STK10: variants seen among roughly 807,000 people sequenced by gnomAD.
The protein encoded by STK10 is serine/threonine-protein kinase 10.
Under a neutral mutation model 113.8 loss-of-function variants are expected in STK10, and 78 were observed. The observed-to-expected ratio is 0.69, with a 90% CI of 0.57 to 0.83. The LOEUF (loss-of-function observed/expected upper bound fraction) is 0.83, where lower values mean the gene tolerates loss of function less well. Ranked by LOEUF, STK10 falls within the 40% of genes least tolerant of loss-of-function variation. STK10 has a pLI of 0.00. For missense variants in STK10, 1,109 were observed against 1,280.1 expected, an observed-to-expected ratio of 0.87 and a Z score of 2.04; for synonymous variants, 465 against 494.7, an observed-to-expected ratio of 0.94 and a Z score of 0.80.
At chr5:172,087,606 A>AATTTATTT (rs1319542446) in intron 10 of STK10, among the ~76,000 whole-genome samples, 1,460 of 131,828 alleles carry the variant, frequency 0.011, 256 homozygotes, top group African/African-American at 0.048. Flanking sequence ...TTATTTTTTA[A>AATTTATTT]ATTTATTTAC....
In STK10 at chr5:172,082,111, C is replaced by T. The variant is rs111822210; in HGVS notation, c.1989+215G>A. Among the ~76,000 whole-genome samples the T allele has an allele frequency of 1.4e-3, 207 of 152,244 alleles. 2 individuals are homozygous for T. The highest frequency in any genetic ancestry group is 4.8e-3 in the African/African-American group (198 of 41,554). On this transcript the variant is annotated intron_variant, in intron 12 of 18. Transcript: ENST00000176763. The surrounding 1 kb of genome is among the most constrained non-coding windows in gnomAD (Gnocchi z 4.3). ...CTGAGGCCACAGGGTGAGGCCTGCC[C>T]TGAGCCATAGCAACACAGAGGAAAG...
At position 172,055,666 on chromosome 5, in the gene STK10, C is replaced by T. The variant is rs750407919; in HGVS notation, c.2448G>A (p.Thr816=). The T allele has an allele frequency of 3.2e-5, 51 of 1,583,806 alleles. No individual in the cohort carries two copies. Among genetic ancestry groups the T allele is most frequent in the South Asian group, 9.2e-5 (8 of 87,012 alleles). Residue 816 remains threonine (T), a synonymous_variant, in exon 16 of 19, where the codon ACG becomes ACA. Transcript: ENST00000176763. ...GGCTCTTCTTGTACATGGCCATGCG[C>T]GTCTTGCCCTCACTCCTCTGGATCT... ...LPKIQRSEGK[T]RMAMYKKSLH...
Position 172,172,342 on chromosome 5 carries a change from G to A in STK10, c.156+15545C>T, listed in dbSNP as rs568476403. On this transcript the variant is annotated intron_variant, in intron 1 of 18. Transcript: ENST00000176763. ...ATCATGGGGCCATGCCACCCTGGTCGCGTGGTGCCGCATCCAAAAGCATAG... is the reference window on the plus strand; with the variant it reads ...ATCATGGGGCCATGCCACCCTGGTCACGTGGTGCCGCATCCAAAAGCATAG... Among the ~76,000 whole-genome samples the A allele has an allele frequency of 1.9e-3, 286 of 152,340 alleles. 1 individual carries two copies. The highest frequency in any genetic ancestry group is 2.7e-3 in the Non-Finnish European group (187 of 68,036).
chr5:172,186,608 G>A (rs1770958476), intron 1 of STK10, among the ~76,000 whole-genome samples: 1 of 151,836 alleles, frequency 6.6e-6, no homozygotes, highest in African/African-American at 2.4e-5. Flanking sequence ...AGCAACAGAG[G>A]GAAACCCTGT....
chr5:172,101,626 T>C (rs1768991065), intron 7 of STK10, among the ~76,000 whole-genome samples: 1 of 151,984 alleles, frequency 6.6e-6, no homozygotes, highest in Admixed American at 6.6e-5. Flanking sequence ...ACAAACCTAA[T>C]AAGCAGGCAA....
Position 172,156,714 on chromosome 5 carries a change from G to A in STK10, c.231C>T (p.Asp77=). The change falls in exon 2 of 19, where the codon GAC becomes GAT. Residue 77 remains aspartate, a synonymous_variant. Transcript: ENST00000176763. The stretch of plus-strand genomic sequence containing the variant: ...CCAGGATCTCAATCTCCACGATGTA[G>A]TCCTCCAGCTCCTCCTCACTCTTGG... The part of the protein sequence containing the change: ...IETKSEEELE[D]YIVEIEILAT... The A allele has an allele frequency of 6.2e-7, 1 of 1,614,154 alleles. No individual in the cohort carries two copies. The highest frequency in any genetic ancestry group is 8.5e-7 in the Non-Finnish European group (1 of 1,180,006).
chr5:172,187,976 A>T lies in STK10; in HGVS notation c.67T>A (p.Tyr23Asn). 6 of 1,613,552 alleles carry T rather than the reference A, an allele frequency of 3.7e-6. No individual in the cohort carries two copies. The highest frequency in any genetic ancestry group is 4.2e-6 in the Non-Finnish European group (5 of 1,179,788). The change falls in exon 1 of 19, where the codon TAT (tyrosine) becomes AAT (asparagine). Residue 23 changes from tyrosine to asparagine, a missense_variant. By Grantham distance (143) the Tyr-to-Asn change is moderately radical. Transcript: ENST00000176763. The surrounding 1 kb of genome is among the most constrained non-coding windows in gnomAD (Gnocchi z 4.6). ...STFEKRKSRE[Y>N]EHVRRDLDPN... ...TCCAGGTCGCGGCGGACGTGCTCAT[A>T]TTCGCGGGACTTTCTCTTCTCGAAG...
In STK10 at chr5:172,187,134, G is replaced by A. The variant is rs1429131943; in HGVS notation, c.156+753C>T. Reference sequence around the variant, plus strand: ...CAGGAGCAGAAACCAACGTCCTGCTGCCACACTTCTCTAGACTCAATCAGC... The same window carrying A: ...CAGGAGCAGAAACCAACGTCCTGCTACCACACTTCTCTAGACTCAATCAGC... On this transcript the variant is annotated intron_variant, in intron 1 of 18. Transcript: ENST00000176763. The surrounding 1 kb of genome is among the most constrained non-coding windows in gnomAD (Gnocchi z 4.6). Among the ~76,000 whole-genome samples, 2 of 152,102 alleles carry A rather than the reference G, an allele frequency of 1.3e-5. No individual in the cohort carries two copies. The highest frequency in any genetic ancestry group is 2.9e-5 in the Non-Finnish European group (2 of 68,018).
At chr5:172,158,642 C>CA (rs556908469) in intron 1 of STK10, among the ~76,000 whole-genome samples, 10 of 151,746 alleles carry the variant, frequency 6.6e-5, no homozygotes, top group Admixed American at 2.0e-4. Flanking sequence ...AAACAAACAA[C>CA]AAAAAAAGAT....
chr5:172,156,437 C>T (rs894843554), intron 2 of STK10, among the ~76,000 whole-genome samples, 187 bp downstream of exon 2: 2 of 152,230 alleles, frequency 1.3e-5, no homozygotes, highest in African/African-American at 4.8e-5. Flanking sequence ...TAGTTCTACT[C>T]CCAAGGGGGA....
At chr5:172,081,644 G>A (rs920479206) in intron 12 of STK10, among the ~76,000 whole-genome samples, 2 of 152,064 alleles carry the variant, frequency 1.3e-5, no homozygotes, top group Non-Finnish European at 2.9e-5. Context: ...TGCCCACCAT[G>A]GTAAAGTCTG....
intron 12 of STK10, among the ~76,000 whole-genome samples, chr5:172,076,877 T>G (rs1768320804): frequency 6.6e-6 from 1 of 152,306 alleles, no homozygotes; most frequent in Middle Eastern, 3.4e-3. Context: ...CATGATTTCT[T>G]GATTTTCCAG....
intron 12 of STK10, among the ~76,000 whole-genome samples, chr5:172,072,378 T>C (rs961788533): frequency 2.0e-5 from 3 of 152,180 alleles, no homozygotes; most frequent in Non-Finnish European, 4.4e-5. Context: ...GCCATTCTCC[T>C]GCCTCAGCCT....
intron 12 of STK10, among the ~76,000 whole-genome samples, chr5:172,080,210 G>A (rs762294875): frequency 2.6e-5 from 4 of 152,128 alleles, no homozygotes; most frequent in Non-Finnish European, 5.9e-5. Context: ...TAATCAATAA[G>A]TGTTGAATGT....
At chr5:172,175,987 A>T (rs1770752169) in intron 1 of STK10, among the ~76,000 whole-genome samples, 1 of 152,164 alleles carries the variant, frequency 6.6e-6, no homozygotes, top group Admixed American at 6.5e-5. Flanking sequence ...CTACTCATCT[A>T]TCTTGTTCAC....
In STK10 at chr5:172,188,105, C is replaced by T. The variant is rs1020887575; in HGVS notation, c.-63G>A. The T allele has an allele frequency of 1.9e-6, 3 of 1,567,756 alleles. No individual in the cohort carries two copies. The African/African-American group carries it at 4.1e-5, about 21-fold the overall frequency. ...CGGGCTCGGGCTGTGGCTTCGGCGG[C>T]CGCGAGGAGAAGGAGGAGGAGTTGG... On this transcript the variant is annotated 5_prime_UTR_variant, in exon 1 of 19. Transcript: ENST00000176763. This position sits in a 1 kb window ranked among gnomAD's most constrained non-coding sequence, Gnocchi z 5.6.
chr5:172,073,062 C>T (rs1768231721), intron 12 of STK10, among the ~76,000 whole-genome samples: 1 of 152,176 alleles, frequency 6.6e-6, no homozygotes, highest in African/African-American at 2.4e-5. Flanking sequence ...CAGCCTCGAA[C>T]TCCTGGGCTC....
At chr5:172,153,542 G>A (rs957111550) in intron 2 of STK10, among the ~76,000 whole-genome samples, 10 of 152,186 alleles carry the variant, frequency 6.6e-5, no homozygotes, top group Admixed American at 3.9e-4. Context: ...CACCCCACTC[G>A]GGGGAAAGTC....
intron 16 of STK10, among the ~76,000 whole-genome samples, 196 bp from the exon 17 acceptor site, chr5:172,054,890 G>C (rs1767711500): frequency 6.6e-6 from 1 of 152,208 alleles, no homozygotes. Flanking sequence ...CCCTCGAGGA[G>C]CCCCCAGGCT....
Sources: gnomAD v4.1 joint callset for allele counts (sites outside exome capture counted in the v4.1 genomes callset) on GRCh38, gnomAD v4.1.1 for gene constraint, Gnocchi (gnomAD v3.1) non-coding constraint, MANE v1.5 for transcripts, NCBI Gene and HGNC (gene_info 2026-07-23, HGNC 2026-07-21) for gene names.